PDE4B: variants seen among roughly 807,000 people sequenced by gnomAD.
PDE4B encodes the protein phosphodiesterase 4B, also known as 3',5'-cyclic-AMP phosphodiesterase 4B.
Under a neutral mutation model 82.2 loss-of-function variants are expected in PDE4B, and 20 were observed. The observed-to-expected ratio is 0.24, with a 90% CI of 0.17 to 0.35. PDE4B has a LOEUF of 0.35. Ranked by LOEUF, PDE4B falls within the 10% of genes least tolerant of loss-of-function variation. The pLI is 1.00. For synonymous variants in PDE4B, 320 were observed against 318.9 expected (o/e 1.00, Z -0.04); for missense variants, 655 against 907.2 (o/e 0.72, Z 3.57).
intron 3 of PDE4B, among the ~76,000 whole-genome samples, chr1:65,932,001 G>GAAAATGA (rs1647863381): frequency 6.6e-6 from 1 of 152,192 alleles, no homozygotes; most frequent in South Asian, 2.1e-4. Flanking sequence ...CACAGAGCAA[G>GAAAATGA]AAAATGAAAA....
intron 3 of PDE4B, among the ~76,000 whole-genome samples, chr1:66,109,175 C>G (rs1645432312): frequency 6.6e-6 from 1 of 151,892 alleles, no homozygotes; most frequent in Non-Finnish European, 1.5e-5. Flanking sequence ...AATAGACCAA[C>G]AGATGTTTTG....
At chr1:66,174,437 A>G (rs1277011318) in intron 3 of PDE4B, among the ~76,000 whole-genome samples, 2 of 152,132 alleles carry the variant, frequency 1.3e-5, no homozygotes, top group Non-Finnish European at 2.9e-5. Flanking sequence ...GTTGCCTACT[A>G]TATTCATCCA....
intron 1 of PDE4B, among the ~76,000 whole-genome samples, chr1:65,841,433 T>C (rs999154389): frequency 6.6e-6 from 1 of 151,990 alleles, no homozygotes; most frequent in Non-Finnish European, 1.5e-5. Context: ...CATTTCTAGT[T>C]ATGTTAATGC....
chr1:66,201,140 G>A (rs1648896892), intron 3 of PDE4B, among the ~76,000 whole-genome samples: 1 of 152,276 alleles, frequency 6.6e-6, no homozygotes, highest in Non-Finnish European at 1.5e-5. Flanking sequence ...TTATATGCTG[G>A]ATTACATTTA....
At chr1:65,867,505 C>T (rs941107929) in intron 1 of PDE4B, among the ~76,000 whole-genome samples, 7 of 152,328 alleles carry the variant, frequency 4.6e-5, no homozygotes, top group South Asian at 2.1e-4. Context: ...CTTTACAATA[C>T]GTGTGGCTGA....
At chr1:66,217,131 C>A (rs1201298223) in intron 3 of PDE4B, among the ~76,000 whole-genome samples, 1 of 152,048 alleles carries the variant, frequency 6.6e-6, no homozygotes, top group Non-Finnish European at 1.5e-5. Flanking sequence ...GTGTCAGCTT[C>A]CCCTCTCCAG....
intron 3 of PDE4B, among the ~76,000 whole-genome samples, chr1:65,921,687 T>G (rs1336267405): frequency 6.6e-6 from 1 of 152,232 alleles, no homozygotes; most frequent in African/African-American, 2.4e-5. Context: ...TGTGTTCCAA[T>G]AAAACTTTGT....
intron 1 of PDE4B, among the ~76,000 whole-genome samples, chr1:65,827,670 T>G (rs1009121192): frequency 2.0e-5 from 3 of 152,066 alleles, no homozygotes; most frequent in Non-Finnish European, 4.4e-5. Context: ...AACAGCCTAT[T>G]CTACATCTAA....
chr1:66,053,117 C>A (rs1388421305), intron 3 of PDE4B, among the ~76,000 whole-genome samples: 1 of 152,152 alleles, frequency 6.6e-6, no homozygotes, highest in African/African-American at 2.4e-5. Context: ...CATATCTAAG[C>A]AGGTATTTAA....
At chr1:65,839,727 A>G (rs754850296) in intron 1 of PDE4B, among the ~76,000 whole-genome samples, 1 of 152,178 alleles carries the variant, frequency 6.6e-6, no homozygotes. Flanking sequence ...TGCTACAATA[A>G]ATATATGTGT....
At chr1:66,077,540 T>G (rs1467091399) in intron 3 of PDE4B, among the ~76,000 whole-genome samples, 1 of 152,162 alleles carries the variant, frequency 6.6e-6, no homozygotes, top group Non-Finnish European at 1.5e-5. Flanking sequence ...CTGAGTCCAG[T>G]GCCTAGGATA....
chr1:66,234,084 T>C (rs1652205909), intron 3 of PDE4B, among the ~76,000 whole-genome samples: 1 of 152,212 alleles, frequency 6.6e-6, no homozygotes, highest in South Asian at 2.1e-4. Context: ...CAGTATAATT[T>C]TTTAAATATT....
At chr1:65,923,134 T>C (rs1301733276) in intron 3 of PDE4B, among the ~76,000 whole-genome samples, 2 of 152,216 alleles carry the variant, frequency 1.3e-5, no homozygotes, top group East Asian at 1.9e-4. Flanking sequence ...CCTTGAAGCA[T>C]GGTTTAGAAG....
intron 3 of PDE4B, among the ~76,000 whole-genome samples, chr1:66,037,915 A>G (rs1416963385): frequency 6.6e-6 from 1 of 152,184 alleles, no homozygotes; most frequent in Non-Finnish European, 1.5e-5. Context: ...TCTTTATTCA[A>G]CTTAGGTTTA....
At chr1:66,070,190 A>G (rs553979400) in intron 3 of PDE4B, among the ~76,000 whole-genome samples, 66 of 152,188 alleles carry the variant, frequency 4.3e-4, no homozygotes, top group African/African-American at 1.4e-3. Flanking sequence ...CAGCTCATAT[A>G]GGGCAGGCAC....
At chr1:65,947,512 C>T (rs1412113885) in intron 3 of PDE4B, among the ~76,000 whole-genome samples, 1 of 152,012 alleles carries the variant, frequency 6.6e-6, no homozygotes, top group African/African-American at 2.4e-5. Flanking sequence ...TATTGAAGTC[C>T]TATCCCCTGG....
intron 7 of PDE4B, among the ~76,000 whole-genome samples, chr1:66,275,412 G>C (rs1241602334): frequency 2.0e-5 from 3 of 152,202 alleles, no homozygotes; most frequent in Non-Finnish European, 2.9e-5. Context: ...TGCAGGAAGG[G>C]AAGAGGATTG....
Position 65,922,414 on chromosome 1 carries a change from G to A in PDE4B, c.281+3579G>A, listed in dbSNP as rs563523163. 5.8e-4 allele frequency among the ~76,000 whole-genome samples: 88 copies of A among 152,236 alleles called. 3 individuals are homozygous for A. In the South Asian group the frequency reaches 0.018, roughly 31 times the overall value. On this transcript the variant is annotated intron_variant, in intron 3 of 16. Coordinates refer to ENST00000341517, the MANE Select transcript of PDE4B (RefSeq NM_002600.4). ...GTTTTAGGGGAAACTTAGCTCCTGAGTTCTTGGAACCAACTTGGAAATATG... is the reference window on the plus strand; with the variant it reads ...GTTTTAGGGGAAACTTAGCTCCTGAATTCTTGGAACCAACTTGGAAATATG...
intron 3 of PDE4B, among the ~76,000 whole-genome samples, chr1:66,165,763 C>T (rs754902173): frequency 1.9e-4 from 29 of 151,966 alleles, no homozygotes; most frequent in Non-Finnish European, 3.5e-4. Context: ...AATAGAAGAA[C>T]GTCCTATGTT....
Sources: gnomAD v4.1 joint callset for allele counts (sites outside exome capture counted in the v4.1 genomes callset) on GRCh38, gnomAD v4.1.1 for gene constraint, MANE v1.5 for transcripts, NCBI Gene and HGNC (gene_info 2026-07-23, HGNC 2026-07-21) for gene names.